VAV2: variants seen among roughly 807,000 people sequenced by gnomAD.
VAV2 encodes the protein vav guanine nucleotide exchange factor 2.
In VAV2, 67 loss-of-function variants were observed where a neutral mutation model predicts 132.5. The ratio of observed to expected loss-of-function variants is 0.51; its 90% CI spans 0.42 to 0.62. The LOEUF (loss-of-function observed/expected upper bound fraction) is 0.62. VAV2 is among the 20% of genes least tolerant of loss of function. The probability of loss-of-function intolerance (pLI) is 0.00; values close to 1 mark genes in which losing one functional copy is unlikely to be tolerated. For missense variants in VAV2, 938 were observed against 1,153.6 expected, an observed-to-expected ratio of 0.81 and a Z score of 2.71; for synonymous variants, 492 against 443.5, an observed-to-expected ratio of 1.11 and a Z score of -1.37.
At chr9:133,783,686 C>G (rs1242447604) in intron 18 of VAV2, 95 bp from the exon 19 acceptor site, 21 of 1,138,214 alleles carry the variant, frequency 1.8e-5, no homozygotes, top group Non-Finnish European at 2.8e-5. Context: ...CCCAGGCTCA[C>G]CTGGCTGGCT....
intron 6 of VAV2, 99 bp downstream of exon 6, chr9:133,810,092 A>T: frequency 6.6e-7 from 1 of 1,524,330 alleles, no homozygotes; most frequent in Non-Finnish European, 9.0e-7. Context: ...TCCTGGGGGC[A>T]GGGTCCCGAG....
rs552767300 is a variant in VAV2, at chr9:133,961,680, T to C, written c.205-22461A>G. Among the ~76,000 whole-genome samples, 203 of 152,282 alleles carry C rather than the reference T, an allele frequency of 1.3e-3. 2 individuals carry two copies. Among genetic ancestry groups the C allele is most frequent in the African/African-American group, 4.5e-3 (189 of 41,548 alleles). On this transcript the variant is annotated intron_variant, in intron 1 of 29. Coordinates refer to ENST00000371850, the MANE Select transcript of VAV2 (RefSeq NM_001134398.2). The surrounding 1 kb of genome is among the most constrained non-coding windows in gnomAD (Gnocchi z 4.1). ...AAGCCTCAGCCAGTTTTACTTCCCA[T>C]TGCAAACCCCTAGCCGGTTTGCCTG...
At chr9:133,940,250 A>G (rs1272230554) in intron 1 of VAV2, among the ~76,000 whole-genome samples, 3 of 152,038 alleles carry the variant, frequency 2.0e-5, no homozygotes, top group Non-Finnish European at 2.9e-5. Context: ...CAGCCCCCCA[A>G]TCCAGCTCAG....
Position 133,763,793 on chromosome 9 carries a change from G to A in VAV2, c.*269C>T, listed in dbSNP as rs10993795. The A allele has an allele frequency of 0.011, 5,186 of 485,706 alleles. 166 individuals are homozygous for A. The highest frequency in any genetic ancestry group is 0.07 in the South Asian group (3,085 of 44,062). The allele number at this position is 485,706 out of a possible 1,614,324, so 30.1% of individuals were successfully genotyped here. ...CACTACCCAGAGCCTGGCTCGCAGC[G>A]CTGTCGGTGCCCCCTCCTCTGCGCT... On this transcript the variant is annotated 3_prime_UTR_variant, in exon 30 of 30. Coordinates refer to ENST00000371850, the MANE Select transcript of VAV2 (RefSeq NM_001134398.2). This position sits in a 1 kb window ranked among gnomAD's most constrained non-coding sequence, Gnocchi z 6.8.
chr9:133,824,493 C>T lies in VAV2; in HGVS notation c.449+9779G>A, dbSNP rs1336959969. On this transcript the variant is annotated intron_variant, in intron 4 of 29. Transcript: ENST00000371850. The surrounding 1 kb of genome is among the most constrained non-coding windows in gnomAD (Gnocchi z 5.2). ...AAACAAGGTAGTGACTGGCCTGGCACAGGGGGTAAGAGCAGGTTTCCTAAA... is the reference window on the plus strand; with the variant it reads ...AAACAAGGTAGTGACTGGCCTGGCATAGGGGGTAAGAGCAGGTTTCCTAAA... 1.3e-5 allele frequency among the ~76,000 whole-genome samples: 2 copies of T among 152,198 alleles called. No individual in the cohort carries two copies. The highest frequency in any genetic ancestry group is 2.9e-5 in the Non-Finnish European group (2 of 68,022).
intron 2 of VAV2, among the ~76,000 whole-genome samples, chr9:133,920,902 C>T (rs73662347): frequency 0.06 from 9,184 of 152,310 alleles, 825 homozygotes; most frequent in African/African-American, 0.19. Flanking sequence ...ACTCATACCC[C>T]TCGGCCCACC....
chr9:133,811,718 G>A (rs962348113), intron 5 of VAV2, among the ~76,000 whole-genome samples: 10 of 152,228 alleles, frequency 6.6e-5, no homozygotes, highest in Non-Finnish European at 1.0e-4. Context: ...AAAATGACGC[G>A]TGCTGTTAGA....
In VAV2 at chr9:133,935,902, A is replaced by G. The variant is rs1295960041; in HGVS notation, c.321+3201T>C. 6.6e-6 allele frequency among the ~76,000 whole-genome samples: 1 copy of G among 152,142 alleles called. No individual in the cohort carries two copies. The highest frequency in any genetic ancestry group is 1.5e-5 in the Non-Finnish European group (1 of 68,018). On this transcript the variant is annotated intron_variant, in intron 2 of 29. Transcript: ENST00000371850. The surrounding 1 kb of genome is among the most constrained non-coding windows in gnomAD (Gnocchi z 5.2). ...CACGGTCCCAGGGGGCCCGGTCCCC[A>G]GCCAGCTGTCCCTGACACACCACAG...
At chr9:133,771,497 CT>C (rs1358297972) in intron 26 of VAV2, among the ~76,000 whole-genome samples, 1 of 152,214 alleles carries the variant, frequency 6.6e-6, no homozygotes, top group Non-Finnish European at 1.5e-5. Context: ...GTAGGCATAA[CT>C]TTAAAATCAT....
In VAV2 at chr9:133,806,072, G is replaced by A; in HGVS notation, c.836+9C>T. The A allele has an allele frequency of 6.2e-7, 1 of 1,611,552 alleles. No homozygotes were observed. The highest frequency in any genetic ancestry group is 8.5e-7 in the Non-Finnish European group (1 of 1,179,378). ...GGCCAAGGAGCCCCAGGAGCCGGCA[G>A]CCACTCACCTTTCCTTGAAATCGAG... On this transcript the variant is annotated intron_variant, in intron 9 of 29. Transcript: ENST00000371850.
intron 3 of VAV2, among the ~76,000 whole-genome samples, chr9:133,860,218 T>C (rs1261549552): frequency 6.6e-6 from 1 of 150,944 alleles, no homozygotes; most frequent in Non-Finnish European, 1.5e-5. Context: ...AGGAGAATGG[T>C]GTGAACCCGG....
At position 133,883,002 on chromosome 9, in the gene VAV2, G is replaced by A. The variant is rs189279922; in HGVS notation, c.322-21570C>T. On this transcript the variant is annotated intron_variant, in intron 2 of 29. Transcript: ENST00000371850. This position sits in a 1 kb window ranked among gnomAD's most constrained non-coding sequence, Gnocchi z 4.2. ...CAGAGGCCTCTGGCACCCTGGGTTCGGGATGTGGGCCCCACACCCACCCCA... is the reference window on the plus strand; with the variant it reads ...CAGAGGCCTCTGGCACCCTGGGTTCAGGATGTGGGCCCCACACCCACCCCA... Among the ~76,000 whole-genome samples, 7 of 152,262 alleles carry A rather than the reference G, an allele frequency of 4.6e-5. No homozygotes were observed. Among genetic ancestry groups the A allele is most frequent in the Non-Finnish European group, 7.4e-5 (5 of 68,002 alleles).
At chr9:133,897,434 T>C (rs1014604935) in intron 2 of VAV2, among the ~76,000 whole-genome samples, 2 of 152,060 alleles carry the variant, frequency 1.3e-5, no homozygotes, top group African/African-American at 4.8e-5. Flanking sequence ...CCTCAAGACA[T>C]CTTCCACCCC....
At chr9:133,953,797 C>T (rs1841648969) in intron 1 of VAV2, among the ~76,000 whole-genome samples, 1 of 152,184 alleles carries the variant, frequency 6.6e-6, no homozygotes, top group Non-Finnish European at 1.5e-5. Flanking sequence ...CCCCGGCTCC[C>T]AGGCCTGCAT....
intron 1 of VAV2, among the ~76,000 whole-genome samples, chr9:133,951,741 C>G (rs776511044): frequency 1.3e-5 from 2 of 152,208 alleles, no homozygotes; most frequent in Non-Finnish European, 2.9e-5. Flanking sequence ...CTGCTCGGCT[C>G]TGCTGCAGGA....
chr9:133,805,589 C>T (rs1296489797), intron 9 of VAV2, among the ~76,000 whole-genome samples: 3 of 151,782 alleles, frequency 2.0e-5, no homozygotes, highest in African/African-American at 7.3e-5. Context: ...ATCGTCTAAG[C>T]TCCAGAAATG....
chr9:133,957,062 G>C (rs1043578227), intron 1 of VAV2, among the ~76,000 whole-genome samples: 2 of 152,090 alleles, frequency 1.3e-5, no homozygotes, highest in African/African-American at 4.8e-5. Flanking sequence ...TCTCTCCAAC[G>C]CCACCAGTGT....
At chr9:133,859,684 C>T (rs2131862709) in intron 3 of VAV2, among the ~76,000 whole-genome samples, 1 of 151,348 alleles carries the variant, frequency 6.6e-6, no homozygotes, top group African/African-American at 2.4e-5. Context: ...ACGCCACTGA[C>T]AGTACTGTAT....
At chr9:133,941,633 G>A (rs1365697608) in intron 1 of VAV2, among the ~76,000 whole-genome samples, 6 of 143,324 alleles carry the variant, frequency 4.2e-5, no homozygotes, top group East Asian at 2.0e-4. Flanking sequence ...ACGGAATTTC[G>A]CCCTTGTTTC....
Sources: gnomAD v4.1 joint callset for allele counts (sites outside exome capture counted in the v4.1 genomes callset) on GRCh38, gnomAD v4.1.1 for gene constraint, Gnocchi (gnomAD v3.1) non-coding constraint, MANE v1.5 for transcripts, NCBI Gene and HGNC (gene_info 2026-07-23, HGNC 2026-07-21) for gene names.